CNST: variants seen among roughly 807,000 people sequenced by gnomAD.
The protein encoded by CNST is consortin.
CNST carries 39 observed loss-of-function variants against 72.4 expected under a neutral mutation model. That is an observed-to-expected ratio of 0.54 (90% confidence interval 0.42 to 0.70). CNST has a LOEUF of 0.70. Among genes scored for constraint, CNST ranks in the 30% least tolerant of loss-of-function variants. The pLI is 0.00. For missense variants in CNST, 871 were observed against 868.5 expected, an observed-to-expected ratio of 1.00 and a Z score of -0.04; for synonymous variants, 332 against 320.1, an observed-to-expected ratio of 1.04 and a Z score of -0.40.
chr1:246,646,924 A>G (rs1666117799), intron 8 of CNST, among the ~76,000 whole-genome samples: 1 of 152,236 alleles, frequency 6.6e-6, no homozygotes. Context: ...ATTCATATTC[A>G]CATGCTTTTG....
intron 6 of CNST, among the ~76,000 whole-genome samples, chr1:246,636,280 C>T (rs1410825961): frequency 6.6e-6 from 1 of 152,080 alleles, no homozygotes; most frequent in Non-Finnish European, 1.5e-5. Context: ...AGTCCACTTG[C>T]GGGATATGCA....
intron 1 of CNST, among the ~76,000 whole-genome samples, chr1:246,587,750 T>G (rs1661285643): frequency 1.3e-5 from 2 of 152,228 alleles, no homozygotes; most frequent in Non-Finnish European, 2.9e-5. Flanking sequence ...TCCATTTATG[T>G]AATGGATTTT....
At chr1:246,645,513 C>T (rs3129553) in intron 8 of CNST, among the ~76,000 whole-genome samples, 65,263 of 148,578 alleles carry the variant, frequency 0.44, 15,882 homozygotes, top group Non-Finnish European at 0.54. Flanking sequence ...CAGCAAGCTC[C>T]GCCTCCCGGG....
chr1:246,574,671 C>G (rs988039338), intron 1 of CNST, among the ~76,000 whole-genome samples: 1 of 152,074 alleles, frequency 6.6e-6, no homozygotes, highest in African/African-American at 2.4e-5. Context: ...GAGCGATCCT[C>G]CAGCCTTGGC....
chr1:246,653,145 TCA>T (rs1666582066), intron 9 of CNST, among the ~76,000 whole-genome samples: 1 of 152,202 alleles, frequency 6.6e-6, no homozygotes, highest in Admixed American at 6.5e-5. Context: ...GGACATAAGT[TCA>T]CAGTGTCTAG....
At chr1:246,640,829 A>T (rs1289869466) in intron 6 of CNST, among the ~76,000 whole-genome samples, 1 of 152,164 alleles carries the variant, frequency 6.6e-6, no homozygotes, top group Non-Finnish European at 1.5e-5. Context: ...AAATTTTTTA[A>T]TATTTAAAAA....
intron 1 of CNST, chr1:246,569,800 G>T: frequency 5.0e-6 from 1 of 200,430 alleles, no homozygotes; most frequent in Non-Finnish European, 8.9e-6. Flanking sequence ...GATGAATAGT[G>T]TTCAGTCATT....
chr1:246,625,419 T>C (rs928308303), intron 3 of CNST, among the ~76,000 whole-genome samples: 29 of 130,698 alleles, frequency 2.2e-4, no homozygotes, highest in Non-Finnish European at 3.6e-4. Context: ...TCTTTCTTTT[T>C]TTTTTTTTTT....
chr1:246,603,729 T>C (rs892205850), intron 2 of CNST, among the ~76,000 whole-genome samples: 1 of 152,172 alleles, frequency 6.6e-6, no homozygotes, highest in Non-Finnish European at 1.5e-5. Flanking sequence ...TAGGCAAATC[T>C]ATATGGACAG....
intron 2 of CNST, among the ~76,000 whole-genome samples, chr1:246,598,411 T>G (rs1234024029): frequency 1.3e-5 from 2 of 152,112 alleles, no homozygotes; most frequent in African/African-American, 2.4e-5. Context: ...TAGGAACTTT[T>G]TAATACTGTC....
intron 9 of CNST, among the ~76,000 whole-genome samples, chr1:246,652,036 G>T (rs1666474910): frequency 1.3e-5 from 2 of 152,174 alleles, no homozygotes; most frequent in Admixed American, 1.3e-4. Flanking sequence ...CAAGTGTGTT[G>T]TCTTTTTGCT....
Position 246,621,580 on chromosome 1 carries a change from A to G in CNST, c.531A>G (p.Ile177Met). Residue 177 changes from isoleucine to methionine, a missense_variant, in exon 3 of 11, where the codon ATA becomes ATG. By Grantham distance (10) the Ile-to-Met change is conservative. Transcript: ENST00000366513. ...KLVLQSLFSL[I>M]RGEVEQLDSR... ...TTCTGCAGTCTCTGTTTTCACTTATACGAGGTGAAGTTGAGCAGTTGGATT... is the reference window on the plus strand; with the variant it reads ...TTCTGCAGTCTCTGTTTTCACTTATGCGAGGTGAAGTTGAGCAGTTGGATT... 1.9e-6 allele frequency: 3 copies of G among 1,614,190 alleles called. No homozygotes were observed. Among genetic ancestry groups the G allele is most frequent in the Non-Finnish European group, 2.5e-6 (3 of 1,180,028 alleles).
At chr1:246,614,799 A>G (rs902665477) in intron 2 of CNST, among the ~76,000 whole-genome samples, 1 of 152,000 alleles carries the variant, frequency 6.6e-6, no homozygotes, top group Non-Finnish European at 1.5e-5. Flanking sequence ...TCTCTTAATT[A>G]CTTACTAACT....
In CNST at chr1:246,647,553, A is replaced by G. The variant is rs758433163; in HGVS notation, c.1352A>G (p.Lys451Arg). 6.2e-7 allele frequency: 1 copy of G among 1,614,128 alleles called. No homozygotes were observed. Among genetic ancestry groups the G allele is most frequent in the African/African-American group, 1.3e-5 (1 of 75,034 alleles). Residue 451 changes from lysine (K) to arginine (R), a missense_variant, in exon 9 of 11, where the codon AAA becomes AGA. Coordinates refer to ENST00000366513, the MANE Select transcript of CNST (RefSeq NM_152609.3). Reference sequence around the variant, plus strand: ...CCTCCTGCATTGATTTCTGAGGGTAAATATTCACAGGCTCAGAGGAAAGAA... The same window carrying G: ...CCTCCTGCATTGATTTCTGAGGGTAGATATTCACAGGCTCAGAGGAAAGAA... The part of the protein sequence containing the change: ...RIPPALISEG[K>R]YSQAQRKELR...
intron 9 of CNST, among the ~76,000 whole-genome samples, chr1:246,657,626 T>C (rs148660901): frequency 1.3e-5 from 2 of 152,284 alleles, no homozygotes; most frequent in East Asian, 3.9e-4. Context: ...TTGCCACCCA[T>C]AGTAAATAAG....
chr1:246,591,917 G>C lies in CNST; in HGVS notation c.355G>C (p.Gly119Arg). 6.2e-7 allele frequency: 1 copy of C among 1,613,176 alleles called. No homozygotes were observed. Among genetic ancestry groups the C allele is most frequent in the South Asian group, 1.1e-5 (1 of 90,990 alleles). ...AAAAAGAAGTCCAAGAAGCAAAAAA[G>C]GGACTGCTAAGAAGATACCACCAGG... ...PGKRSPRSKKGTAKKIPPGLF... is the reference protein window; with the variant it reads ...PGKRSPRSKKRTAKKIPPGLF... Residue 119 changes from glycine to arginine, a missense_variant, in exon 2 of 11, where the codon GGG (glycine) becomes CGG (arginine). Coordinates refer to ENST00000366513, the MANE Select transcript of CNST (RefSeq NM_152609.3).
intron 2 of CNST, among the ~76,000 whole-genome samples, chr1:246,618,899 A>G (rs928504192): frequency 2.6e-5 from 4 of 152,284 alleles, no homozygotes; most frequent in Non-Finnish European, 5.9e-5. Flanking sequence ...GGGAGTCATC[A>G]ATTCTGTCCT....
intron 4 of CNST, among the ~76,000 whole-genome samples, chr1:246,633,698 G>A (rs543233884): frequency 6.6e-6 from 1 of 150,828 alleles, no homozygotes; most frequent in East Asian, 1.9e-4. Context: ...AGCTGAGATT[G>A]CCCCACTGCA....
chr1:246,653,436 A>G (rs556548379), intron 9 of CNST, among the ~76,000 whole-genome samples: 231 of 152,330 alleles, frequency 1.5e-3, no homozygotes, highest in Non-Finnish European at 2.8e-3. Context: ...AGAAACAGCA[A>G]TCATGGTTGT....
Sources: allele counts gnomAD v4.1 joint callset (sites outside exome capture counted in the v4.1 genomes callset), GRCh38; gene constraint gnomAD v4.1.1; transcripts MANE v1.5; gene names NCBI Gene and HGNC (gene_info 2026-07-23, HGNC 2026-07-21).